ALK: variants seen among roughly 807,000 people sequenced by gnomAD.
ALK encodes the protein ALK tyrosine kinase receptor.
ALK carries 74 observed loss-of-function variants against 163.1 expected under a neutral mutation model. The observed-to-expected ratio is 0.45, with a 90% CI of 0.38 to 0.55. ALK has a LOEUF of 0.55. Among genes scored for constraint, ALK ranks in the 20% least tolerant of loss-of-function variants. ALK has a pLI of 0.00. For missense variants in ALK, 2,063 were observed against 2,105.3 expected (o/e 0.98, Z 0.39); for synonymous variants, 960 against 843.2 (o/e 1.14, Z -2.40).
chr2:29,756,725 C>T (rs1395043530), intron 1 of ALK, among the ~76,000 whole-genome samples: 1 of 152,098 alleles, frequency 6.6e-6, no homozygotes, highest in Non-Finnish European at 1.5e-5. Flanking sequence ...CAGGGTTTCA[C>T]CATGTTAGCC....
rs1218504091 is a variant in ALK at position 29,770,353 on chromosome 2, T to G, written c.668-52656A>C. 1.3e-5 allele frequency among the ~76,000 whole-genome samples: 2 copies of G among 152,168 alleles called. 1 individual carries two copies. Among genetic ancestry groups the G allele is most frequent in the African/African-American group, 4.8e-5 (2 of 41,438 alleles). On this transcript the variant is annotated intron_variant, in intron 1 of 28. Coordinates refer to ENST00000389048, the MANE Select transcript of ALK (RefSeq NM_004304.5). ...CCTAAAGGTACTGACCACAAGATTC[T>G]CTAACAAAGTCGTCCAGTCACACCC...
chr2:29,722,127 A>T (rs1679438801), intron 1 of ALK, among the ~76,000 whole-genome samples: 1 of 152,222 alleles, frequency 6.6e-6, no homozygotes, highest in East Asian at 1.9e-4. Context: ...CTTCAGTGGG[A>T]AGATCCTCTT....
chr2:29,571,504 T>A (rs1456812712), intron 3 of ALK, among the ~76,000 whole-genome samples: 1 of 152,032 alleles, frequency 6.6e-6, no homozygotes, highest in Non-Finnish European at 1.5e-5. Context: ...CTTTGCTTTC[T>A]GCCATGATTC....
chr2:29,254,174 C>T (rs1664896728), intron 11 of ALK, among the ~76,000 whole-genome samples: 1 of 152,192 alleles, frequency 6.6e-6, no homozygotes, highest in Non-Finnish European at 1.5e-5. Flanking sequence ...TTCCTGAGGC[C>T]TCTCCAGCCA....
chr2:29,745,598 G>A (rs1179776376), intron 1 of ALK, among the ~76,000 whole-genome samples: 2 of 152,166 alleles, frequency 1.3e-5, no homozygotes, highest in Non-Finnish European at 2.9e-5. Flanking sequence ...TTCTTTGCCT[G>A]ACACAATCTT....
At chr2:29,379,665 G>A (rs1668847095) in intron 5 of ALK, among the ~76,000 whole-genome samples, 1 of 152,106 alleles carries the variant, frequency 6.6e-6, no homozygotes, top group African/African-American at 2.4e-5. Context: ...GATGTGGGAG[G>A]CAATAAGAAA....
chr2:29,360,387 T>C (rs1668358785), intron 5 of ALK, among the ~76,000 whole-genome samples: 1 of 152,152 alleles, frequency 6.6e-6, no homozygotes, highest in African/African-American at 2.4e-5. Context: ...CAGCTAATCC[T>C]CTCCTGTCCC....
intron 3 of ALK, among the ~76,000 whole-genome samples, chr2:29,552,507 C>G (rs1221916197): frequency 6.6e-6 from 1 of 152,106 alleles, no homozygotes; most frequent in African/African-American, 2.4e-5. Flanking sequence ...ACATCCTCAC[C>G]AATATTTGTT....
intron 1 of ALK, among the ~76,000 whole-genome samples, chr2:29,809,146 G>T (rs1475407791): frequency 1.3e-5 from 2 of 152,188 alleles, no homozygotes; most frequent in Admixed American, 6.5e-5. Flanking sequence ...GAAGAATATG[G>T]ATGAAGAGCA....
chr2:29,795,665 A>G (rs961433612), intron 1 of ALK, among the ~76,000 whole-genome samples: 1 of 152,164 alleles, frequency 6.6e-6, no homozygotes, highest in East Asian at 1.9e-4. Flanking sequence ...AACAAAGATG[A>G]CTAAGACTTT....
intron 1 of ALK, among the ~76,000 whole-genome samples, chr2:29,743,076 T>G (rs764385129): frequency 2.6e-5 from 4 of 152,220 alleles, no homozygotes; most frequent in Non-Finnish European, 5.9e-5. Context: ...AAACAAGTTG[T>G]GCTCTTTCTG....
intron 3 of ALK, among the ~76,000 whole-genome samples, chr2:29,541,031 CCT>C (rs1052188132): frequency 1.3e-5 from 2 of 152,050 alleles, no homozygotes; most frequent in African/African-American, 4.8e-5. Context: ...GCCTTTTTTC[CCT>C]GTTTCCATAG....
intron 4 of ALK, among the ~76,000 whole-genome samples, chr2:29,406,745 C>A (rs1421154444): frequency 3.3e-5 from 5 of 151,792 alleles, no homozygotes; most frequent in Non-Finnish European, 1.5e-5. Flanking sequence ...ACTGAAAATA[C>A]AAAAATCAGC....
chr2:29,358,060 A>G (rs906556468), intron 5 of ALK, among the ~76,000 whole-genome samples: 7 of 152,258 alleles, frequency 4.6e-5, no homozygotes, highest in Admixed American at 4.6e-4. Flanking sequence ...GATGGTAAAC[A>G]GCAGAAAGGA....
At chr2:29,378,422 A>G (rs1182205076) in intron 5 of ALK, among the ~76,000 whole-genome samples, 1 of 152,178 alleles carries the variant, frequency 6.6e-6, no homozygotes, top group Non-Finnish European at 1.5e-5. Context: ...AAGGTGTGGT[A>G]GCTAAGAACA....
At chr2:29,759,483 G>A (rs1449517819) in intron 1 of ALK, among the ~76,000 whole-genome samples, 1 of 152,170 alleles carries the variant, frequency 6.6e-6, no homozygotes. Context: ...TGGAGAAAGA[G>A]GAATGTCACT....
intron 4 of ALK, among the ~76,000 whole-genome samples, chr2:29,413,508 G>A (rs932763839): frequency 6.6e-6 from 1 of 151,660 alleles, no homozygotes; most frequent in East Asian, 1.9e-4. Flanking sequence ...CACCACATCT[G>A]GCTGATTTTT....
At chr2:29,324,311 C>T (rs188716530) in intron 6 of ALK, among the ~76,000 whole-genome samples, 36 of 152,262 alleles carry the variant, frequency 2.4e-4, no homozygotes, top group Non-Finnish European at 2.4e-4. Flanking sequence ...TTCCTTCCTG[C>T]GTGACAACTC....
intron 1 of ALK, among the ~76,000 whole-genome samples, chr2:29,911,752 A>C (rs1393578960): frequency 6.6e-6 from 1 of 152,196 alleles, no homozygotes; most frequent in Non-Finnish European, 1.5e-5. Context: ...TACAATCTCA[A>C]ATTACTCAAC....
Sources: gnomAD v4.1 joint callset for allele counts (sites outside exome capture counted in the v4.1 genomes callset) on GRCh38, gnomAD v4.1.1 for gene constraint, MANE v1.5 for transcripts, NCBI Gene and HGNC (gene_info 2026-07-23, HGNC 2026-07-21) for gene names.